Variants in CSNK1E observed in about 807,000 individuals in gnomAD.
The protein encoded by CSNK1E is casein kinase 1 epsilon, also known as casein kinase I isoform epsilon.
Under a neutral mutation model 46.1 loss-of-function variants are expected in CSNK1E, and 17 were observed. The observed-to-expected ratio is 0.37, with a 90% CI of 0.25 to 0.55. CSNK1E has a LOEUF of 0.55. Among genes scored for constraint, CSNK1E ranks in the 20% least tolerant of loss-of-function variants. The pLI, the probability that CSNK1E is intolerant of heterozygous loss-of-function variation, is 0.82. For synonymous variants in CSNK1E, 241 were observed against 242.6 expected (o/e 0.99, Z 0.06); for missense variants, 386 against 595.4 (o/e 0.65, Z 3.66).
rs1569079081 is a variant in CSNK1E, at chr22:38,303,016, G to A, written c.188-7C>T. ...TTGATGGACGGGATCCCCACTGGGG[G>A]TCAAGCAGAGGGCCTCTGTCAGGGG... On this transcript the variant is annotated splice_polypyrimidine_tract_variant and splice_region_variant and intron_variant, in intron 3 of 10. Coordinates refer to ENST00000396832, the MANE Select transcript of CSNK1E (RefSeq NM_152221.3). This position sits in a 1 kb window ranked among gnomAD's most constrained non-coding sequence, Gnocchi z 4.7. The A allele has an allele frequency of 3.1e-6, 5 of 1,611,612 alleles. No individual in the cohort carries two copies. In the South Asian group the frequency reaches 3.3e-5, roughly 11 times the overall value.
intron 2 of CSNK1E, among the ~76,000 whole-genome samples, chr22:38,304,379 G>T (rs189222457): frequency 6.6e-6 from 1 of 152,260 alleles, no homozygotes; most frequent in East Asian, 1.9e-4. Context: ...CTCAAGTAGA[G>T]GAAAAGTTTG....
intron 7 of CSNK1E, chr22:38,297,659 T>C: frequency 1.0e-6 from 1 of 992,232 alleles, no homozygotes; most frequent in Non-Finnish European, 1.2e-6. Context: ...GCCAACGGGG[T>C]CTAGCTATGA....
chr22:38,314,884 T>C (rs998530882), intron 1 of CSNK1E, among the ~76,000 whole-genome samples: 2 of 151,826 alleles, frequency 1.3e-5, no homozygotes, highest in South Asian at 4.1e-4. Flanking sequence ...TGCTCTGGCC[T>C]GGGGCAGAGG....
At chr22:38,315,728 C>G (rs549648099) in intron 1 of CSNK1E, among the ~76,000 whole-genome samples, 3 of 151,812 alleles carry the variant, frequency 2.0e-5, no homozygotes, top group Non-Finnish European at 4.4e-5. Flanking sequence ...AGGAAACCCG[C>G]AGGTTAGGAA....
At position 38,291,872 on chromosome 22, in the gene CSNK1E, CTTTT is replaced by C. The variant is rs2092612381; in HGVS notation, c.*95_*98del. 1.0e-5 allele frequency: 1 copy of C among 97,948 alleles called. No homozygotes were observed. The highest frequency in any genetic ancestry group is 2.2e-5 in the Non-Finnish European group (1 of 46,416). 6.1% of individuals were successfully genotyped at this position (97,948 alleles called of 1,614,324 possible). ...TTTTGTGCTGGGTTTTTTTGTTGTTCTTTTGAGTGGTTTATTTTTGCCTTTTTTT... is the reference window on the plus strand; with the variant it reads ...TTTTGTGCTGGGTTTTTTTGTTGTTCGAGTGGTTTATTTTTGCCTTTTTTT... On this transcript the variant is annotated 3_prime_UTR_variant, in exon 11 of 11. Transcript: ENST00000396832.
At chr22:38,301,997 T>C (rs906454000) in intron 4 of CSNK1E, among the ~76,000 whole-genome samples, 5 of 152,212 alleles carry the variant, frequency 3.3e-5, no homozygotes, top group African/African-American at 1.2e-4. Flanking sequence ...CTCCCTATGC[T>C]GATGAAGGGC....
intron 7 of CSNK1E, among the ~76,000 whole-genome samples, chr22:38,295,783 T>C (rs1481175739): frequency 1.3e-5 from 2 of 152,274 alleles, no homozygotes; most frequent in African/African-American, 2.4e-5. Context: ...AGAAGATGCA[T>C]CTTCCCATCC....
At position 38,294,008 on chromosome 22, in the gene CSNK1E, C is replaced by T. The variant is rs1203271145; in HGVS notation, c.1218+101G>A. The T allele has an allele frequency of 2.2e-6, 3 of 1,376,306 alleles. No individual in the cohort carries two copies. The highest frequency in any genetic ancestry group is 1.4e-5 in the African/African-American group (1 of 70,348). 85.3% of individuals were successfully genotyped at this position (1,376,306 alleles called of 1,614,324 possible). On this transcript the variant is annotated intron_variant, in intron 9 of 10. Coordinates refer to ENST00000396832, the MANE Select transcript of CSNK1E (RefSeq NM_152221.3). The surrounding 1 kb of genome is among the most constrained non-coding windows in gnomAD (Gnocchi z 5.5). ...AAGGGGTTCACTCCAAGGCAAGCAG[C>T]GTCGATGGAAAGGGAAGAACAGAGC...
Position 38,300,624 on chromosome 22 carries a change from C to A in CSNK1E, c.565+100G>T. On this transcript the variant is annotated intron_variant, in intron 5 of 10. Coordinates refer to ENST00000396832, the MANE Select transcript of CSNK1E (RefSeq NM_152221.3). This position sits in a 1 kb window ranked among gnomAD's most constrained non-coding sequence, Gnocchi z 4.4. ...TGGGGACTTTCTCACTAGAAAAGAG[C>A]CTGGGGGCCTCCATCAGGGTAGGGG... The A allele has an allele frequency of 1.7e-6, 2 of 1,157,240 alleles. No homozygotes were observed. Among genetic ancestry groups the A allele is most frequent in the Admixed American group, 4.3e-5 (2 of 46,464 alleles). 71.7% of individuals were successfully genotyped at this position (1,157,240 alleles called of 1,614,324 possible).
chr22:38,296,222 T>C, intron 7 of CSNK1E: 1 of 1,068,654 alleles, frequency 9.4e-7, no homozygotes, highest in Non-Finnish European at 1.1e-6. Flanking sequence ...TCTTGGCCTT[T>C]ATTGCCCATA....
chr22:38,303,229 A>G lies in CSNK1E; in HGVS notation c.96T>C (p.Gly32=). 1 of 1,606,084 alleles carries G rather than the reference A, an allele frequency of 6.2e-7. No individual in the cohort carries two copies. ...ACTCCAGCTTGATGGCGACTTCCTC[A>G]CCAGAGGCGATGTTGGCACCTGCCC... ...DIYLGANIAS[G]EEVAIKLECV... is the part of the protein sequence containing the mutation. Residue 32 remains glycine, a synonymous_variant, in exon 3 of 11, where the codon GGT becomes GGC. Coordinates refer to ENST00000396832, the MANE Select transcript of CSNK1E (RefSeq NM_152221.3). The surrounding 1 kb of genome is among the most constrained non-coding windows in gnomAD (Gnocchi z 4.7).
At chr22:38,297,200 G>C (rs368320459) in intron 7 of CSNK1E, 2 of 772,034 alleles carry the variant, frequency 2.6e-6, no homozygotes, top group Non-Finnish European at 4.8e-6. Context: ...TGAGCTGGAG[G>C]GCCAAGCCCA....
At position 38,303,111 on chromosome 22, in the gene CSNK1E, G is replaced by GC. The variant is rs2092682120; in HGVS notation, c.187+26dup. 3.1e-6 allele frequency: 5 copies of GC among 1,592,642 alleles called. No individual in the cohort carries two copies. Among genetic ancestry groups the GC allele is most frequent in the African/African-American group, 1.3e-5 (1 of 74,398 alleles). The stretch of plus-strand genomic sequence containing the variant: ...GGCTGCCCACCGCCACCCACCCGGC[G>GC]CCCGCCGCCGCCCACCCTGCGCTCA... On this transcript the variant is annotated intron_variant, in intron 3 of 10. Coordinates refer to ENST00000396832, the MANE Select transcript of CSNK1E (RefSeq NM_152221.3). This position sits in a 1 kb window ranked among gnomAD's most constrained non-coding sequence, Gnocchi z 4.7.
At chr22:38,296,334 C>T (rs2092640274) in intron 7 of CSNK1E, 1 of 1,346,370 alleles carries the variant, frequency 7.4e-7, no homozygotes, top group Non-Finnish European at 9.5e-7. Context: ...GCTGACTGGA[C>T]CTCGGAACAC....
In CSNK1E at chr22:38,294,520, A is replaced by C; in HGVS notation, c.900T>G (p.Asn300Lys). The stretch of plus-strand genomic sequence containing the variant: ...GCCGCTCCCGGTCCACATCCTCGGG[A>C]TTCCGGGCTGCACCCTGCAGGGATG... ...WNMLKFGAAR[N>K]PEDVDRERRE... The change falls in exon 8 of 11, where the codon AAT (asparagine) becomes AAG (lysine). Residue 300 changes from asparagine to lysine, a missense_variant. By Grantham distance (94) the Asn-to-Lys change is moderately conservative. Around this residue, in one of 2 missense-constraint regions of CSNK1E, gnomAD observed 174 missense variants for 185.2 expected, o/e 0.94. Transcript: ENST00000396832. This position sits in a 1 kb window ranked among gnomAD's most constrained non-coding sequence, Gnocchi z 5.5. The C allele has an allele frequency of 1.1e-5, 17 of 1,592,756 alleles. No individual in the cohort carries two copies. Among genetic ancestry groups the C allele is most frequent in the Non-Finnish European group, 1.5e-5 (17 of 1,170,744 alleles).
rs1244022112 is a variant in CSNK1E, at chr22:38,309,792, C to A, written c.76+4290G>T. Among the ~76,000 whole-genome samples the A allele has an allele frequency of 6.6e-6, 1 of 152,172 alleles. No individual in the cohort carries two copies. Among genetic ancestry groups the A allele is most frequent in the Admixed American group, 6.5e-5 (1 of 15,274 alleles). On this transcript the variant is annotated intron_variant, in intron 2 of 10. Coordinates refer to ENST00000396832, the MANE Select transcript of CSNK1E (RefSeq NM_152221.3). This position sits in a 1 kb window ranked among gnomAD's most constrained non-coding sequence, Gnocchi z 4.8. Reference sequence around the variant, plus strand: ...TCTGTTTGACATGTGGAAAAACAGACACCAAAGGTCAAATGATCATATGCT... The same window carrying A: ...TCTGTTTGACATGTGGAAAAACAGAAACCAAAGGTCAAATGATCATATGCT...
chr22:38,307,265 G>A (rs1311223147), intron 2 of CSNK1E, among the ~76,000 whole-genome samples: 1 of 152,112 alleles, frequency 6.6e-6, no homozygotes, highest in African/African-American at 2.4e-5. Context: ...AAGTGATCTA[G>A]AGATGATTTA....
chr22:38,290,826 T>C lies in CSNK1E; in HGVS notation c.*1145A>G, dbSNP rs1602535078. The C allele has an allele frequency of 7.6e-6, 1 of 132,054 alleles. No individual in the cohort carries two copies. Among genetic ancestry groups the C allele is most frequent in the Non-Finnish European group, 1.6e-5 (1 of 61,052 alleles). The allele number at this position is 132,054 out of a possible 1,614,324, so 8.2% of individuals were successfully genotyped here. A position where few individuals can be genotyped will look rare whatever the true frequency, so the allele number is the denominator to read the frequency against. On this transcript the variant is annotated 3_prime_UTR_variant, in exon 11 of 11. Transcript: ENST00000396832. ...GTTTTTTTTTTTTCAGTTTTTTAAA[T>C]TACAAAGTAATAAAAAGCTTTGCTC...
chr22:38,295,065 C>A (rs1372423916), intron 7 of CSNK1E, among the ~76,000 whole-genome samples: 2 of 152,198 alleles, frequency 1.3e-5, no homozygotes, highest in Non-Finnish European at 2.9e-5. Context: ...TAGCCAGGGG[C>A]TCTTCTCATC....
Sources: allele counts gnomAD v4.1 joint callset (sites outside exome capture counted in the v4.1 genomes callset), GRCh38; gene constraint gnomAD v4.1.1; regional missense constraint gnomAD v4.1.1; non-coding constraint Gnocchi (gnomAD v3.1); transcripts MANE v1.5; gene names NCBI Gene and HGNC (gene_info 2026-07-23, HGNC 2026-07-21).